The following BRAF variants were observed in gnomAD, a reference collection of about 807,000 sequenced individuals.
The protein encoded by BRAF is serine/threonine-protein kinase B-raf.
Under a neutral mutation model 104.6 loss-of-function variants are expected in BRAF, and 16 were observed. The ratio of observed to expected loss-of-function variants is 0.15; its 90% confidence interval spans 0.10 to 0.23. BRAF has a LOEUF of 0.23. BRAF is among the 10% of genes least tolerant of loss of function. The pLI is 1.00. For missense variants in BRAF, 541 were observed against 937.3 expected (o/e 0.58, Z 5.52); for synonymous variants, 310 against 341.6 (o/e 0.91, Z 1.02).
intron 1 of BRAF, among the ~76,000 whole-genome samples, chr7:140,890,777 A>G (rs564296620): frequency 7.9e-5 from 12 of 152,288 alleles, no homozygotes; most frequent in African/African-American, 2.9e-4. Context: ...TCAAAACCCA[A>G]ATAAAACACT....
intron 7 of BRAF, chr7:140,800,066 T>C (rs1448923270): frequency 4.5e-6 from 2 of 441,046 alleles, no homozygotes; most frequent in African/African-American, 3.9e-5. Context: ...GAAATGTTTC[T>C]AATTAACCAG....
intron 1 of BRAF, among the ~76,000 whole-genome samples, chr7:140,880,886 C>T (rs1812824215): frequency 6.6e-6 from 1 of 151,860 alleles, no homozygotes; most frequent in Admixed American, 6.6e-5. Context: ...AGGAGGATTG[C>T]TTGAGCTCAG....
intron 1 of BRAF, among the ~76,000 whole-genome samples, chr7:140,877,083 T>C (rs576023318): frequency 2.0e-4 from 31 of 152,162 alleles, no homozygotes; most frequent in African/African-American, 7.0e-4. Flanking sequence ...TCATAATCAT[T>C]AGTAAAATAT....
At chr7:140,909,462 C>T (rs1284737410) in intron 1 of BRAF, among the ~76,000 whole-genome samples, 4 of 151,964 alleles carry the variant, frequency 2.6e-5, no homozygotes, top group African/African-American at 9.7e-5. Context: ...GATAATCTAC[C>T]TTAGTGCAAT....
chr7:140,831,423 T>C (rs1323777092), intron 3 of BRAF, among the ~76,000 whole-genome samples: 2 of 152,234 alleles, frequency 1.3e-5, no homozygotes, highest in African/African-American at 4.8e-5. Flanking sequence ...GGACATCTGA[T>C]GTTCAGTTCC....
chr7:140,818,217 G>A (rs1287110608), intron 3 of BRAF, among the ~76,000 whole-genome samples: 1 of 152,014 alleles, frequency 6.6e-6, no homozygotes, highest in Non-Finnish European at 1.5e-5. Flanking sequence ...TGTATAATAT[G>A]AAGCAAATAT....
chr7:140,906,135 G>T (rs1816302219), intron 1 of BRAF, among the ~76,000 whole-genome samples: 1 of 146,302 alleles, frequency 6.8e-6, no homozygotes, highest in African/African-American at 2.7e-5. Flanking sequence ...ATTTATCAAG[G>T]TCAAGTCAAT....
At chr7:140,884,323 G>C (rs1008347870) in intron 1 of BRAF, 3 of 151,862 alleles carry the variant, frequency 2.0e-5, no homozygotes, top group Non-Finnish European at 2.9e-5. Context: ...GTGTTTAACA[G>C]AGACATAAGA....
intron 1 of BRAF, among the ~76,000 whole-genome samples, chr7:140,908,786 C>G (rs754785844): frequency 6.6e-6 from 1 of 151,156 alleles, no homozygotes; most frequent in African/African-American, 2.4e-5. Context: ...TTGACTGTCA[C>G]TTTAGATGAA....
rs549243240 is a variant in BRAF at position 140,720,947 on chromosome 7, G to A, written c.*5547C>T. 692 of 1,065,344 alleles carry A rather than the reference G, an allele frequency of 6.5e-4. No homozygotes were observed. Among genetic ancestry groups the A allele is most frequent in the Admixed American group, 1.4e-3 (26 of 18,754 alleles). The allele number at this position is 1,065,344 out of a possible 1,614,324, so 66.0% of individuals were successfully genotyped here. On this transcript the variant is annotated 3_prime_UTR_variant, in exon 20 of 20. Coordinates refer to ENST00000644969, the MANE Select transcript of BRAF (RefSeq NM_001374258.1). ...ATATGTGCTGTACATGAGAACCAGC[G>A]GTCACGGTGCTGGAGAATGAACTCG...
chr7:140,906,105 A>AAAAAAAAAAAAAAAAAAAAG (rs1563029463), intron 1 of BRAF, among the ~76,000 whole-genome samples: 1 of 150,268 alleles, frequency 6.7e-6, no homozygotes, highest in African/African-American at 2.5e-5. Context: ...AAAAAAAAAA[A>AAAAAAAAAAAAAAAAAAAAG]AAAGAAATTA....
At chr7:140,797,766 G>A (rs762441886) in intron 7 of BRAF, among the ~76,000 whole-genome samples, 35 of 152,038 alleles carry the variant, frequency 2.3e-4, no homozygotes, top group Non-Finnish European at 4.7e-4. Context: ...CACAGAACTG[G>A]GACCTGCCAT....
rs115848336 is a variant in BRAF at position 140,738,163 on chromosome 7, T to C, written c.2247+1649A>G. On this transcript the variant is annotated intron_variant, in intron 18 of 19. Coordinates refer to ENST00000644969, the MANE Select transcript of BRAF (RefSeq NM_001374258.1). ...AATAAAAAGAAAAAATAAAAACTCTTCCTCAAAGGAACAGTAACTTTGAAA... is the reference window on the plus strand; with the variant it reads ...AATAAAAAGAAAAAATAAAAACTCTCCCTCAAAGGAACAGTAACTTTGAAA... Among the ~76,000 whole-genome samples, 1,133 of 152,294 alleles carry C rather than the reference T, an allele frequency of 7.4e-3. 18 individuals are homozygous for C. The highest frequency in any genetic ancestry group is 0.026 in the African/African-American group (1,079 of 41,566).
In BRAF at chr7:140,773,834, T is replaced by C. The variant is rs546712178; in HGVS notation, c.1814+3078A>G. ...TTTAGCCTTTTGGGGTCTAAGTCTA[T>C]GATCACTTTTCCACCTGCTCTCCAG... On this transcript the variant is annotated intron_variant, in intron 14 of 19. Coordinates refer to ENST00000644969, the MANE Select transcript of BRAF (RefSeq NM_001374258.1). Among the ~76,000 whole-genome samples, 3 of 152,336 alleles carry C rather than the reference T, an allele frequency of 2.0e-5. No individual in the cohort carries two copies. In the East Asian group the frequency reaches 5.8e-4, roughly 29 times the overall value.
At position 140,893,427 on chromosome 7, in the gene BRAF, T is replaced by C. The variant is rs927323829; in HGVS notation, c.138+31139A>G. ...ACCATGCCTGGCTAATTTTTTGTATTTTCAGTGGAGACGGGGTTTCACCAT... is the reference window on the plus strand; with the variant it reads ...ACCATGCCTGGCTAATTTTTTGTATCTTCAGTGGAGACGGGGTTTCACCAT... On this transcript the variant is annotated intron_variant, in intron 1 of 19. Transcript: ENST00000644969. Among the ~76,000 whole-genome samples, 11 of 152,014 alleles carry C rather than the reference T, an allele frequency of 7.2e-5. 1 individual carries two copies. The highest frequency in any genetic ancestry group is 6.6e-4 in the Admixed American group (10 of 15,260).
intron 11 of BRAF, among the ~76,000 whole-genome samples, chr7:140,781,952 C>T (rs1489804013): frequency 6.6e-6 from 1 of 152,032 alleles, no homozygotes; most frequent in Non-Finnish European, 1.5e-5. Flanking sequence ...GGTACATGTG[C>T]ACAACTTGCA....
Position 140,724,816 on chromosome 7 carries a change from G to A in BRAF, c.*1678C>T. ...GATTTGATTTGTGTTCCTAAATTCT[G>A]AGTCTAGATTCCTGATAAGGGAGGT... On this transcript the variant is annotated 3_prime_UTR_variant, in exon 20 of 20. Transcript: ENST00000644969. 1 of 1,037,136 alleles carries A rather than the reference G, an allele frequency of 9.6e-7. No homozygotes were observed. Among genetic ancestry groups the A allele is most frequent in the Non-Finnish European group, 1.2e-6 (1 of 861,456 alleles). 64.2% of individuals were successfully genotyped at this position (1,037,136 alleles called of 1,614,324 possible).
chr7:140,796,498 G>GTA (rs1469303376), intron 7 of BRAF, among the ~76,000 whole-genome samples: 4 of 152,190 alleles, frequency 2.6e-5, no homozygotes, highest in Non-Finnish European at 4.4e-5. Flanking sequence ...ACAGAAACAT[G>GTA]TAGTAGATAA....
At chr7:140,853,986 T>C (rs552000183) in intron 1 of BRAF, among the ~76,000 whole-genome samples, 17 of 152,326 alleles carry the variant, frequency 1.1e-4, no homozygotes, top group Admixed American at 7.8e-4. Context: ...GAATACTTTA[T>C]TTATTTTTAA....
Sources: allele counts gnomAD v4.1 joint callset (sites outside exome capture counted in the v4.1 genomes callset), GRCh38; gene constraint gnomAD v4.1.1; transcripts MANE v1.5; gene names NCBI Gene and HGNC (gene_info 2026-07-23, HGNC 2026-07-21).